Variants in ZNF804B observed in about 807,000 individuals in gnomAD.
The protein encoded by ZNF804B is zinc finger 804B.
Under a neutral mutation model 101.4 loss-of-function variants are expected in ZNF804B, and 80 were observed. The observed-to-expected ratio is 0.79, with a 90% CI of 0.66 to 0.95. The LOEUF (loss-of-function observed/expected upper bound fraction) is 0.95, where lower values mean the gene tolerates loss of function less well. Among genes scored for constraint, ZNF804B ranks in the 40% least tolerant of loss-of-function variants. The pLI is 0.00. For synonymous variants in ZNF804B, 622 were observed against 558.8 expected (o/e 1.11, Z -1.59); for missense variants, 1,673 against 1,561.9 (o/e 1.07, Z -1.20).
At chr7:88,982,212 C>T (rs1279341850) in intron 1 of ZNF804B, among the ~76,000 whole-genome samples, 1 of 151,956 alleles carries the variant, frequency 6.6e-6, no homozygotes. Flanking sequence ...CTTCTATACT[C>T]TATTGAATGC....
intron 2 of ZNF804B, among the ~76,000 whole-genome samples, chr7:89,229,373 T>G (rs887554464): frequency 2.0e-5 from 3 of 152,122 alleles, no homozygotes; most frequent in Non-Finnish European, 2.9e-5. Context: ...AGAAAACTAA[T>G]AGAGAAACAT....
intron 1 of ZNF804B, among the ~76,000 whole-genome samples, chr7:88,971,006 T>A (rs1289668706): frequency 5.4e-5 from 8 of 149,484 alleles, no homozygotes; most frequent in African/African-American, 2.0e-4. Flanking sequence ...AAAAAATAAA[T>A]AAAATAAAGA....
chr7:88,985,190 T>C (rs2373747), intron 1 of ZNF804B, among the ~76,000 whole-genome samples: 58,436 of 150,844 alleles, frequency 0.39, 11,349 homozygotes, highest in Middle Eastern at 0.44. Context: ...TCCAAAAAAT[T>C]ATTGAAAACT....
chr7:89,209,562 C>T (rs1441224987), intron 1 of ZNF804B, among the ~76,000 whole-genome samples: 1 of 152,182 alleles, frequency 6.6e-6, no homozygotes, highest in East Asian at 1.9e-4. Flanking sequence ...CTTCAATATG[C>T]AACATAGATC....
At chr7:88,909,570 T>G (rs1792519431) in intron 1 of ZNF804B, among the ~76,000 whole-genome samples, 1 of 151,872 alleles carries the variant, frequency 6.6e-6, no homozygotes, top group Non-Finnish European at 1.5e-5. Flanking sequence ...TTAGCTCATG[T>G]TTTGTTATTA....
intron 1 of ZNF804B, among the ~76,000 whole-genome samples, chr7:88,810,558 A>G (rs1264399062): frequency 2.6e-5 from 4 of 151,798 alleles, no homozygotes; most frequent in Admixed American, 2.6e-4. Flanking sequence ...GCTACTCGAG[A>G]GGCTGAGGTG....
In ZNF804B at chr7:89,037,566, G is replaced by GATATATAT. The variant is rs59604792; in HGVS notation, c.109-180576_109-180569dup. On this transcript the variant is annotated intron_variant, in intron 1 of 3. Transcript: ENST00000333190. ...TTTATAGTGCACAATGTAATGCATGGATATATATATATATATATATTTTGA... is the reference window on the plus strand; with the variant it reads ...TTTATAGTGCACAATGTAATGCATGGATATATATATATATATATATATATATATTTTGA... Among the ~76,000 whole-genome samples, 432 of 145,784 alleles carry GATATATAT rather than the reference G, an allele frequency of 3.0e-3. 4 individuals are homozygous for GATATATAT. Among genetic ancestry groups the GATATATAT allele is most frequent in the African/African-American group, 0.01 (417 of 40,040 alleles).
Position 89,335,125 on chromosome 7 carries a change from T to C in ZNF804B, c.2143T>C (p.Ser715Pro). Residue 715 changes from serine to proline, a missense_variant, in exon 4 of 4, where the codon TCC (serine) becomes CCC (proline). Ser to Pro is a moderately conservative substitution (Grantham distance 74). Coordinates refer to ENST00000333190, the MANE Select transcript of ZNF804B (RefSeq NM_181646.5). ...TAGATATTCTTCCTCTTTGGACACA[T>C]CCCCTAGCAGCATGTCTAGCTTGAG... ...LSRYSSSLDT[S>P]PSSMSSLRST... 6.2e-7 allele frequency: 1 copy of C among 1,613,846 alleles called. No individual in the cohort carries two copies. Among genetic ancestry groups the C allele is most frequent in the Non-Finnish European group, 8.5e-7 (1 of 1,179,916 alleles).
chr7:89,034,472 C>T (rs1401662229), intron 1 of ZNF804B, among the ~76,000 whole-genome samples: 5 of 151,754 alleles, frequency 3.3e-5, no homozygotes, highest in Non-Finnish European at 7.4e-5. Context: ...CATTGTTTAA[C>T]TCCCACTTAT....
At chr7:88,915,911 C>A (rs1306765828) in intron 1 of ZNF804B, among the ~76,000 whole-genome samples, 2 of 151,278 alleles carry the variant, frequency 1.3e-5, no homozygotes, top group African/African-American at 4.9e-5. Flanking sequence ...GAATTTGTTC[C>A]CTATACTACA....
intron 1 of ZNF804B, among the ~76,000 whole-genome samples, chr7:88,879,271 C>T (rs1440791963): frequency 6.6e-6 from 1 of 152,018 alleles, no homozygotes; most frequent in East Asian, 1.9e-4. Context: ...CCCATGCATC[C>T]TCAACAAGGA....
intron 2 of ZNF804B, among the ~76,000 whole-genome samples, chr7:89,223,064 G>A (rs940618353): frequency 2.0e-5 from 3 of 151,724 alleles, no homozygotes; most frequent in South Asian, 2.1e-4. Context: ...TGTCCATTTG[G>A]TTCTTTCTTC....
At chr7:89,319,752 G>T (rs924813003) in intron 2 of ZNF804B, among the ~76,000 whole-genome samples, 1 of 152,086 alleles carries the variant, frequency 6.6e-6, no homozygotes, top group Non-Finnish European at 1.5e-5. Flanking sequence ...CTAATGATAA[G>T]GTAGTGTCTA....
intron 1 of ZNF804B, among the ~76,000 whole-genome samples, chr7:88,805,031 A>C (rs1167644947): frequency 6.6e-6 from 1 of 152,150 alleles, no homozygotes; most frequent in Non-Finnish European, 1.5e-5. Context: ...GTTTCAGTGG[A>C]TAAAGTGGTG....
chr7:89,008,647 C>G (rs1278615269), intron 1 of ZNF804B, among the ~76,000 whole-genome samples: 1 of 152,094 alleles, frequency 6.6e-6, no homozygotes, highest in African/African-American at 2.4e-5. Flanking sequence ...TCCCACTCTC[C>G]ACATTCTCAC....
At chr7:89,142,527 G>T (rs956503903) in intron 1 of ZNF804B, among the ~76,000 whole-genome samples, 10 of 151,898 alleles carry the variant, frequency 6.6e-5, no homozygotes, top group African/African-American at 2.2e-4. Context: ...ATTGTGCTTT[G>T]TCTTCAGGAT....
At chr7:89,162,131 C>T (rs554601676) in intron 1 of ZNF804B, among the ~76,000 whole-genome samples, 5 of 151,956 alleles carry the variant, frequency 3.3e-5, no homozygotes, top group East Asian at 3.9e-4. Context: ...TTTTCAGGGG[C>T]GGGGGGAAGT....
At chr7:88,950,220 T>A (rs1009499864) in intron 1 of ZNF804B, among the ~76,000 whole-genome samples, 1 of 152,086 alleles carries the variant, frequency 6.6e-6, no homozygotes, top group Non-Finnish European at 1.5e-5. Context: ...CCATGTTGTT[T>A]GTTTAATTTT....
intron 1 of ZNF804B, among the ~76,000 whole-genome samples, chr7:89,130,339 T>A (rs1410884484): frequency 6.6e-6 from 1 of 151,908 alleles, no homozygotes; most frequent in Admixed American, 6.6e-5. Context: ...GAAGCCAGCT[T>A]GGAAGAAAGC....
Sources: allele counts gnomAD v4.1 joint callset (sites outside exome capture counted in the v4.1 genomes callset), GRCh38; gene constraint gnomAD v4.1.1; transcripts MANE v1.5; gene names NCBI Gene and HGNC (gene_info 2026-07-23, HGNC 2026-07-21).